Variants in NUBPL observed in about 807,000 individuals in gnomAD.
NUBPL encodes iron-sulfur cluster transfer protein NUBPL.
Under a neutral mutation model 45.7 loss-of-function variants are expected in NUBPL, and 31 were observed. The ratio of observed to expected loss-of-function variants is 0.68; its 90% CI spans 0.51 to 0.92. The LOEUF is 0.92. Among genes scored for constraint, NUBPL ranks in the 40% least tolerant of loss-of-function variants. NUBPL has a pLI of 0.00. For missense variants in NUBPL, 401 were observed against 398.7 expected, an observed-to-expected ratio of 1.01 and a Z score of -0.05; for synonymous variants, 144 against 140.9, an observed-to-expected ratio of 1.02 and a Z score of -0.15.
intron 4 of NUBPL, among the ~76,000 whole-genome samples, chr14:31,654,544 G>A (rs34505839): frequency 0.37 from 55,773 of 151,698 alleles, 12,617 homozygotes; most frequent in East Asian, 0.6. Flanking sequence ...GAGTAGCTGG[G>A]ACTGCAGGCA....
At chr14:31,759,707 G>A (rs1395626861) in intron 6 of NUBPL, among the ~76,000 whole-genome samples, 5 of 150,486 alleles carry the variant, frequency 3.3e-5, no homozygotes, top group African/African-American at 9.8e-5. Context: ...ATTCTTTCTT[G>A]GGGTAATGAT....
intron 4 of NUBPL, among the ~76,000 whole-genome samples, chr14:31,658,569 G>A (rs2036195989): frequency 6.6e-6 from 1 of 151,480 alleles, no homozygotes; most frequent in African/African-American, 2.4e-5. Context: ...CTGGAGTGCA[G>A]TGACGTGATT....
At chr14:31,713,853 A>G (rs1030983323) in intron 6 of NUBPL, among the ~76,000 whole-genome samples, 2 of 152,226 alleles carry the variant, frequency 1.3e-5, no homozygotes, top group Non-Finnish European at 2.9e-5. Flanking sequence ...TATATGGTGC[A>G]AACTTTCTCA....
chr14:31,588,671 C>A (rs1023581071), intron 3 of NUBPL, among the ~76,000 whole-genome samples: 7 of 151,782 alleles, frequency 4.6e-5, no homozygotes, highest in Non-Finnish European at 7.4e-5. Context: ...AATCCCAGCA[C>A]GTTGGGAGGC....
chr14:31,640,477 T>G (rs2035657305), intron 4 of NUBPL, among the ~76,000 whole-genome samples: 1 of 152,028 alleles, frequency 6.6e-6, no homozygotes, highest in African/African-American at 2.4e-5. Flanking sequence ...AATTAGGGCA[T>G]GGTGGTGAAT....
intron 6 of NUBPL, among the ~76,000 whole-genome samples, chr14:31,773,105 C>A (rs1261945129): frequency 3.9e-5 from 6 of 152,090 alleles, no homozygotes; most frequent in African/African-American, 1.4e-4. Flanking sequence ...AAGTAAAAAT[C>A]TTTTTATTAT....
At chr14:31,782,170 G>T (rs2039203076) in intron 6 of NUBPL, among the ~76,000 whole-genome samples, 1 of 152,138 alleles carries the variant, frequency 6.6e-6, no homozygotes, top group African/African-American at 2.4e-5. Context: ...GCCGAGGCAG[G>T]CATATCACGA....
chr14:31,811,954 G>T (rs1160341227), intron 7 of NUBPL, among the ~76,000 whole-genome samples: 1 of 152,188 alleles, frequency 6.6e-6, no homozygotes, highest in Non-Finnish European at 1.5e-5. Flanking sequence ...AGCAGAGGCT[G>T]CAGAACAGCA....
At chr14:31,631,695 G>A (rs947242230) in intron 4 of NUBPL, among the ~76,000 whole-genome samples, 2 of 151,984 alleles carry the variant, frequency 1.3e-5, no homozygotes, top group African/African-American at 2.4e-5. Context: ...CCAAGTCCAC[G>A]TCCAAAGGCA....
chr14:31,657,842 T>A (rs1351435055), intron 4 of NUBPL, among the ~76,000 whole-genome samples: 1 of 152,152 alleles, frequency 6.6e-6, no homozygotes. Flanking sequence ...CTATTGCTAC[T>A]TAAAAATGCT....
At chr14:31,849,967 A>C (rs2040512215) in intron 9 of NUBPL, 152 bp from the exon 10 acceptor site, 2 of 668,380 alleles carry the variant, frequency 3.0e-6, no homozygotes, top group African/African-American at 1.8e-5. Flanking sequence ...TTCCCATTTG[A>C]AATTTCTTTT....
chr14:31,702,711 A>G (rs1373986923), intron 6 of NUBPL, among the ~76,000 whole-genome samples: 1 of 152,204 alleles, frequency 6.6e-6, no homozygotes, highest in African/African-American at 2.4e-5. Flanking sequence ...GGCTACTAGG[A>G]TGGTTTTTTA....
At chr14:31,809,770 C>G (rs187729105) in intron 7 of NUBPL, among the ~76,000 whole-genome samples, 4 of 152,296 alleles carry the variant, frequency 2.6e-5, no homozygotes. Flanking sequence ...ATAAATTTCC[C>G]TCTACACACT....
intron 6 of NUBPL, among the ~76,000 whole-genome samples, chr14:31,756,732 A>C (rs2038674043): frequency 6.6e-6 from 1 of 151,402 alleles, no homozygotes; most frequent in Non-Finnish European, 1.5e-5. Flanking sequence ...AACTTCCAAC[A>C]CTATGTTGAA....
At chr14:31,697,100 T>A (rs2037231135) in intron 6 of NUBPL, among the ~76,000 whole-genome samples, 1 of 152,236 alleles carries the variant, frequency 6.6e-6, no homozygotes, top group African/African-American at 2.4e-5. Context: ...CTTTTCTCAT[T>A]TCCTTCTTTG....
intron 6 of NUBPL, among the ~76,000 whole-genome samples, chr14:31,770,490 T>A (rs1030197647): frequency 6.6e-6 from 1 of 152,152 alleles, no homozygotes; most frequent in Non-Finnish European, 1.5e-5. Flanking sequence ...TGAAAAGACA[T>A]CTCAAAAGGT....
intron 7 of NUBPL, among the ~76,000 whole-genome samples, chr14:31,789,005 A>G (rs1246243800): frequency 2.0e-5 from 3 of 152,194 alleles, no homozygotes; most frequent in Non-Finnish European, 4.4e-5. Flanking sequence ...CACTCGGTAA[A>G]TATTTATTGA....
At chr14:31,615,456 C>T (rs773712903) in intron 4 of NUBPL, among the ~76,000 whole-genome samples, 1 of 152,124 alleles carries the variant, frequency 6.6e-6, no homozygotes, top group Non-Finnish European at 1.5e-5. Context: ...GCCCCCCCAA[C>T]TCACTGACAG....
At chr14:31,707,615 T>C (rs2037484351) in intron 6 of NUBPL, among the ~76,000 whole-genome samples, 1 of 152,196 alleles carries the variant, frequency 6.6e-6, no homozygotes, top group Non-Finnish European at 1.5e-5. Context: ...ACTGTTTTAA[T>C]GTCTTAGGGT....
Sources: allele counts gnomAD v4.1 joint callset (sites outside exome capture counted in the v4.1 genomes callset), GRCh38; gene constraint gnomAD v4.1.1; transcripts MANE v1.5; gene names NCBI Gene and HGNC (gene_info 2026-07-23, HGNC 2026-07-21).